The following PRKAR1A variants were observed in gnomAD, a reference collection of about 807,000 sequenced individuals.
PRKAR1A encodes the protein cAMP-dependent protein kinase type I-alpha regulatory subunit.
Under a neutral mutation model 52.0 loss-of-function variants are expected in PRKAR1A, and 3 were observed. The observed-to-expected ratio is 0.06, with a 90% CI of 0.03 to 0.15. The LOEUF is 0.15. PRKAR1A is among the 10% of genes least tolerant of loss of function. The pLI is 1.00. For missense variants in PRKAR1A, 240 were observed against 477.4 expected (o/e 0.50, Z 4.63); for synonymous variants, 188 against 168.4 (o/e 1.12, Z -0.90).
chr17:68,464,717 C>A, the PRKAR1A span, among the ~76,000 whole-genome samples: 70,785 of 148,692 alleles, frequency 0.48, 17,040 homozygotes, highest in South Asian at 0.55. Context: ...ACAAAAAAAA[C>A]ACCTAACATT....
At chr17:68,508,884 G>C (rs371034249), upstream of PRKAR1A, among the ~76,000 whole-genome samples, 12 of 152,072 alleles carry the variant, frequency 7.9e-5, no homozygotes, top group South Asian at 1.0e-3. Flanking sequence ...TTTGGCATTC[G>C]GGTGTTTGCT....
chr17:68,526,742 A>C (rs146161826), intron 7 of PRKAR1A, among the ~76,000 whole-genome samples: 1 of 152,308 alleles, frequency 6.6e-6, no homozygotes, highest in Non-Finnish European at 1.5e-5. Context: ...CTAGAAGGGG[A>C]ACAACAAACA....
At chr17:68,541,492 T>TG (rs1446367460) in intron 11 of PRKAR1A, 2 of 189,866 alleles carry the variant, frequency 1.1e-5, no homozygotes, top group Non-Finnish European at 2.2e-5. Flanking sequence ...TCATGACGGC[T>TG]TGACTGATGG....
chr17:68,459,706 A>C, the PRKAR1A span, among the ~76,000 whole-genome samples: 2 of 152,238 alleles, frequency 1.3e-5, no homozygotes, highest in African/African-American at 4.8e-5. Flanking sequence ...TGTAAATTTC[A>C]GTTTTCTAGA....
At chr17:68,455,093 G>A in the PRKAR1A span, among the ~76,000 whole-genome samples, 16 of 152,174 alleles carry the variant, frequency 1.1e-4, no homozygotes, top group African/African-American at 3.6e-4. Flanking sequence ...TGGGCATAGT[G>A]TGTCACATCT....
In PRKAR1A at chr17:68,530,597, A is replaced by C. The variant is rs984729741; in HGVS notation, c.*148A>C. ...ATATATTGAAAGTTGCTTTTATTGC[A>C]CCATTTTCAATTTGGAGCATTAACT... On this transcript the variant is annotated 3_prime_UTR_variant, in exon 11 of 11. Transcript: ENST00000589228. 1.3e-6 allele frequency: 2 copies of C among 1,542,198 alleles called. No individual in the cohort carries two copies. Among genetic ancestry groups the C allele is most frequent in the Non-Finnish European group, 1.7e-6 (2 of 1,145,876 alleles).
At chr17:68,513,159 T>C (rs2085322367) in intron 1 of PRKAR1A, 1 of 152,398 alleles carries the variant, frequency 6.6e-6, no homozygotes, top group Admixed American at 6.5e-5. Flanking sequence ...GCCACCACTG[T>C]GGCCTTCCGA....
chr17:68,470,151 C>T, the PRKAR1A span, among the ~76,000 whole-genome samples: 2 of 151,226 alleles, frequency 1.3e-5, no homozygotes, highest in Non-Finnish European at 2.9e-5. Flanking sequence ...TGCGTGACCT[C>T]GGCTCACTGC....
At chr17:68,538,999 C>T (rs1394500094) in intron 11 of PRKAR1A, among the ~76,000 whole-genome samples, 1 of 152,164 alleles carries the variant, frequency 6.6e-6, no homozygotes, top group Non-Finnish European at 1.5e-5. Context: ...TAGCCTCCTG[C>T]ACTCTTAGGC....
intron 1 of PRKAR1A, among the ~76,000 whole-genome samples, chr17:68,513,766 A>G (rs1004032088): frequency 4.6e-5 from 7 of 152,144 alleles, no homozygotes; most frequent in Admixed American, 2.0e-4. Flanking sequence ...ACCGGTGGCT[A>G]TCTTTTTGGT....
chr17:68,463,726 G>C, the PRKAR1A span, among the ~76,000 whole-genome samples: 1 of 152,172 alleles, frequency 6.6e-6, no homozygotes, highest in Non-Finnish European at 1.5e-5. Context: ...AGTCATATGG[G>C]AAAAAGCTCA....
rs2302232 is a variant in PRKAR1A at position 68,530,077 on chromosome 17, A to G, written c.973+76A>G. 1.6e-3 allele frequency: 2,449 copies of G among 1,546,770 alleles called. 132 individuals are homozygous for G. The East Asian group carries it at 0.053, about 34-fold the overall frequency. ...TCAGTGAGATATTGTAGTCTTCCAT[A>G]ATTTTGTCTTCTCCTGAATTTTATT... On this transcript the variant is annotated intron_variant, in intron 10 of 10. Transcript: ENST00000589228.
At chr17:68,514,171 A>G (rs1240332074) in intron 1 of PRKAR1A, among the ~76,000 whole-genome samples, 2 of 152,372 alleles carry the variant, frequency 1.3e-5, no homozygotes, top group African/African-American at 4.8e-5. Context: ...TCTGTTAATT[A>G]GTCTACTTGT....
At chr17:68,527,711 A>T (rs926199729) in intron 7 of PRKAR1A, 129 bp from the exon 8 acceptor site, 8 of 751,194 alleles carry the variant, frequency 1.1e-5, no homozygotes, top group Non-Finnish European at 1.8e-5. Context: ...AACTTTCCTC[A>T]TTAAAAGCAA....
chr17:68,542,091 G>A, intron 11 of PRKAR1A: 1 of 1,614,018 alleles, frequency 6.2e-7, no homozygotes, highest in Non-Finnish European at 8.5e-7. Flanking sequence ...CCCTCCAGCA[G>A]GTGTGGGTTG....
At chr17:68,542,126 C>T in intron 11 of PRKAR1A, 2 of 1,614,076 alleles carry the variant, frequency 1.2e-6, no homozygotes, top group Non-Finnish European at 1.7e-6. Context: ...CTCCGTCTTG[C>T]ACATGTATGG....
chr17:68,480,264 G>T, the PRKAR1A span, among the ~76,000 whole-genome samples: 1 of 152,038 alleles, frequency 6.6e-6, no homozygotes, highest in South Asian at 2.1e-4. Context: ...TTAAAGTTTT[G>T]AGCATTAATA....
At chr17:68,465,625 A>ATTTTTTTTTT in the PRKAR1A span, among the ~76,000 whole-genome samples, 8,674 of 66,774 alleles carry the variant, frequency 0.13, 1,783 homozygotes, top group Non-Finnish European at 0.17. Flanking sequence ...ACGCCCAGCA[A>ATTTTTTTTTT]TTTTTTTTTT....
At chr17:68,424,592 C>T in the PRKAR1A span, 1 of 491,544 alleles carries the variant, frequency 2.0e-6, no homozygotes, top group Non-Finnish European at 4.2e-6. Flanking sequence ...AACACTACTT[C>T]CGGCCGGGTG....
Sources: allele counts gnomAD v4.1 joint callset (sites outside exome capture counted in the v4.1 genomes callset), GRCh38; gene constraint gnomAD v4.1.1; transcripts MANE v1.5; gene names NCBI Gene and HGNC (gene_info 2026-07-23, HGNC 2026-07-21).